FBXO36: variants seen among roughly 807,000 people sequenced by gnomAD.
The protein encoded by FBXO36 is F-box only protein 36.
A neutral mutation model predicts 17.0 loss-of-function variants in FBXO36; 18 were observed. The observed-to-expected ratio is 1.06, with a 90% CI of 0.73 to 1.57. The LOEUF is 1.57. Ranked by LOEUF, FBXO36 falls within the 40% of genes most tolerant of loss-of-function variation. The pLI is 0.00. For synonymous variants in FBXO36, 83 were observed against 85.3 expected (o/e 0.97, Z 0.15); for missense variants, 229 against 221.9 (o/e 1.03, Z -0.20).
chr2:229,990,882 A>G (rs2077294419), intron 2 of FBXO36, among the ~76,000 whole-genome samples: 1 of 152,076 alleles, frequency 6.6e-6, no homozygotes, highest in Non-Finnish European at 1.5e-5. Context: ...TCCTTTTCTT[A>G]ATTAATCAGT....
At chr2:229,947,144 G>A (rs1195841352) in intron 1 of FBXO36, among the ~76,000 whole-genome samples, 2 of 152,146 alleles carry the variant, frequency 1.3e-5, no homozygotes, top group Non-Finnish European at 2.9e-5. Context: ...CTCCAGCCTG[G>A]ACAACAAGAG....
intron 1 of FBXO36, among the ~76,000 whole-genome samples, chr2:229,946,268 G>T (rs542383126): frequency 6.6e-6 from 1 of 152,118 alleles, no homozygotes; most frequent in Non-Finnish European, 1.5e-5. Flanking sequence ...GTTTATGCTC[G>T]TCCTACCCCC....
intron 2 of FBXO36, among the ~76,000 whole-genome samples, chr2:229,985,981 A>G (rs1352464895): frequency 1.3e-5 from 2 of 152,102 alleles, no homozygotes; most frequent in Non-Finnish European, 2.9e-5. Context: ...TAGGAGGTCA[A>G]AGCTGTAGCT....
At chr2:229,945,087 T>G (rs2077019923) in intron 1 of FBXO36, 1 of 152,176 alleles carries the variant, frequency 6.6e-6, no homozygotes, top group African/African-American at 2.4e-5. Context: ...TATTCTGTTT[T>G]AGATGTGAAG....
In FBXO36 at chr2:229,922,618, G is replaced by A. The variant is rs201264237; in HGVS notation, c.96+9G>A. 4.2e-5 allele frequency: 67 copies of A among 1,613,736 alleles called. No homozygotes were observed. The East Asian group carries it at 1.4e-3, about 35-fold the overall frequency. ...TGGTCACCCGGTCTCAGGCAAGTGC[G>A]AGCCGCGGTTTACCCTCTCTCCTAA... On this transcript the variant is annotated intron_variant, in intron 1 of 3. Coordinates refer to ENST00000283946, the MANE Select transcript of FBXO36 (RefSeq NM_174899.5).
At chr2:229,970,900 C>T (rs1275808289) in intron 1 of FBXO36, among the ~76,000 whole-genome samples, 2 of 152,144 alleles carry the variant, frequency 1.3e-5, no homozygotes, top group African/African-American at 4.8e-5. Flanking sequence ...TTAAAGAGCT[C>T]TTTCAGTAAC....
At chr2:229,982,516 C>T (rs1234103070) in intron 2 of FBXO36, among the ~76,000 whole-genome samples, 1 of 151,974 alleles carries the variant, frequency 6.6e-6, no homozygotes, top group African/African-American at 2.4e-5. Flanking sequence ...ATCTCAAGAT[C>T]CTTAATTTGG....
intron 1 of FBXO36, chr2:229,932,852 G>A (rs903225916): frequency 2.9e-5 from 9 of 315,734 alleles, no homozygotes; most frequent in Admixed American, 1.3e-4. Flanking sequence ...GGTGGATCAC[G>A]ACGTCTGGAG....
chr2:229,999,503 A>G (rs967195807), intron 3 of FBXO36, among the ~76,000 whole-genome samples: 10 of 146,898 alleles, frequency 6.8e-5, no homozygotes, highest in Non-Finnish European at 1.5e-4. Context: ...ATATATGTAT[A>G]TATATATATA....
intron 1 of FBXO36, among the ~76,000 whole-genome samples, chr2:229,975,878 G>A (rs1560447063): frequency 6.6e-6 from 1 of 151,784 alleles, no homozygotes; most frequent in Non-Finnish European, 1.5e-5. Flanking sequence ...CGCGATCTCG[G>A]CTCACTGCAA....
intron 2 of FBXO36, among the ~76,000 whole-genome samples, chr2:229,988,968 G>C (rs981643311): frequency 1.3e-5 from 2 of 151,440 alleles, no homozygotes; most frequent in Admixed American, 1.3e-4. Flanking sequence ...TTATATGTAG[G>C]CATCAAAATT....
chr2:229,998,794 A>G (rs942329200), intron 3 of FBXO36, among the ~76,000 whole-genome samples: 3 of 151,688 alleles, frequency 2.0e-5, no homozygotes, highest in Non-Finnish European at 4.4e-5. Context: ...TGTCTCAAAA[A>G]ACATAATTTT....
chr2:229,963,754 G>T (rs925333126), intron 1 of FBXO36, among the ~76,000 whole-genome samples: 1 of 152,110 alleles, frequency 6.6e-6, no homozygotes, highest in Admixed American at 6.6e-5. Flanking sequence ...TATCCTTTGT[G>T]TTTCTTATGT....
chr2:229,967,033 G>T (rs201699623), intron 1 of FBXO36, among the ~76,000 whole-genome samples: 44 of 147,484 alleles, frequency 3.0e-4, no homozygotes, highest in South Asian at 8.7e-4. Flanking sequence ...TCCATTTGTT[G>T]GTATCCTCTT....
intron 1 of FBXO36, among the ~76,000 whole-genome samples, chr2:229,950,388 G>A (rs996403079): frequency 2.0e-5 from 3 of 151,908 alleles, no homozygotes; most frequent in Non-Finnish European, 2.9e-5. Flanking sequence ...ATCACTCCAC[G>A]GCACTCCAGA....
intron 1 of FBXO36, among the ~76,000 whole-genome samples, chr2:229,955,518 A>G (rs1053354018): frequency 1.4e-5 from 2 of 145,966 alleles, no homozygotes; most frequent in Non-Finnish European, 3.0e-5. Context: ...CCCGTCTCAG[A>G]AAAAAAAAAA....
chr2:229,955,528 A>AG (rs1384090539), intron 1 of FBXO36, among the ~76,000 whole-genome samples: 2 of 151,920 alleles, frequency 1.3e-5, no homozygotes, highest in East Asian at 1.9e-4. Context: ...AAAAAAAAAA[A>AG]AGAGAGAGAA....
chr2:230,011,597 T>C lies in FBXO36; in HGVS notation c.*713T>C, dbSNP rs1244016384. On this transcript the variant is annotated 3_prime_UTR_variant, in exon 4 of 4. Coordinates refer to ENST00000283946, the MANE Select transcript of FBXO36 (RefSeq NM_174899.5). ...AAACCTATAAACATTTCTTTTCTTT[T>C]CTTTTTTTTTTTTTTTTTGTATTTT... 2.1e-5 allele frequency: 1 copy of C among 46,572 alleles called. No individual in the cohort carries two copies. The highest frequency in any genetic ancestry group is 4.4e-5 in the Non-Finnish European group (1 of 22,754). The allele number at this position is 46,572 out of a possible 1,614,324, so 2.9% of individuals were successfully genotyped here.
At chr2:229,969,411 A>G (rs921488956) in intron 1 of FBXO36, among the ~76,000 whole-genome samples, 1 of 151,388 alleles carries the variant, frequency 6.6e-6, no homozygotes, top group Non-Finnish European at 1.5e-5. Context: ...AATTCAGGCC[A>G]GGCACGGTGG....
Sources: allele counts gnomAD v4.1 joint callset (sites outside exome capture counted in the v4.1 genomes callset), GRCh38; gene constraint gnomAD v4.1.1; transcripts MANE v1.5; gene names NCBI Gene and HGNC (gene_info 2026-07-23, HGNC 2026-07-21).